Variants in RBFOX1 observed in about 807,000 individuals in gnomAD.
RBFOX1 encodes the protein RNA binding protein fox-1 homolog 1.
In RBFOX1, 8 loss-of-function variants were observed where a neutral mutation model predicts 57.7. The observed-to-expected ratio is 0.14, with a 90% CI of 0.08 to 0.25. The LOEUF (loss-of-function observed/expected upper bound fraction) is 0.25, where lower values mean the gene tolerates loss of function less well. Ranked by LOEUF, RBFOX1 falls within the 10% of genes least tolerant of loss-of-function variation. RBFOX1 has a pLI of 1.00. For missense variants in RBFOX1, 611 were observed against 548.5 expected, an observed-to-expected ratio of 1.11 and a Z score of -1.14; for synonymous variants, 326 against 222.4, an observed-to-expected ratio of 1.47 and a Z score of -4.15.
intron 3 of RBFOX1, among the ~76,000 whole-genome samples, chr16:6,722,839 G>A (rs181073071): frequency 7.2e-5 from 11 of 152,298 alleles, no homozygotes; most frequent in Admixed American, 1.3e-4. Flanking sequence ...ATATTCATCA[G>A]TAAGAAATCC....
At chr16:6,852,607 G>A (rs72768833) in intron 3 of RBFOX1, among the ~76,000 whole-genome samples, 5,089 of 152,288 alleles carry the variant, frequency 0.033, 119 homozygotes, top group Middle Eastern at 0.082. Flanking sequence ...GTCCAGATGA[G>A]ATGCATGCTG....
intron 3 of RBFOX1, among the ~76,000 whole-genome samples, chr16:6,777,281 G>A (rs540962395): frequency 6.6e-6 from 1 of 152,094 alleles, no homozygotes; most frequent in South Asian, 2.1e-4. Flanking sequence ...GTTTTGTAAT[G>A]GAGTAATTGA....
intron 4 of RBFOX1, among the ~76,000 whole-genome samples, chr16:7,089,153 A>C (rs1183756618): frequency 1.3e-5 from 2 of 152,110 alleles, no homozygotes; most frequent in Admixed American, 6.6e-5. Context: ...AGTTTTGCAC[A>C]ATTTAGTACA....
chr16:5,547,747 A>C (rs2151074834), intron 2 of RBFOX1, among the ~76,000 whole-genome samples: 1 of 152,288 alleles, frequency 6.6e-6, no homozygotes, highest in East Asian at 1.9e-4. Flanking sequence ...CCTGTGCAGC[A>C]ATATGGATCC....
At chr16:5,892,250 C>G (rs1341388019) in intron 4 of RBFOX1, among the ~76,000 whole-genome samples, 1 of 152,120 alleles carries the variant, frequency 6.6e-6, no homozygotes, top group East Asian at 1.9e-4. Flanking sequence ...TGAGAAGAGA[C>G]TTGGCGGGGT....
At chr16:6,235,163 C>T (rs778688741) in intron 1 of RBFOX1, among the ~76,000 whole-genome samples, 1 of 152,178 alleles carries the variant, frequency 6.6e-6, no homozygotes, top group Non-Finnish European at 1.5e-5. Context: ...TTCTTGTTGG[C>T]TCTTCTTGCA....
chr16:5,950,475 C>G (rs2059497351), intron 4 of RBFOX1, among the ~76,000 whole-genome samples: 3 of 152,306 alleles, frequency 2.0e-5, no homozygotes, highest in Admixed American at 6.5e-5. Context: ...TTTTCATTAT[C>G]TGGTATTCTG....
chr16:7,130,797 G>A (rs531342686), intron 4 of RBFOX1, among the ~76,000 whole-genome samples: 9 of 152,134 alleles, frequency 5.9e-5, no homozygotes, highest in African/African-American at 2.2e-4. Context: ...TTAAAAAATG[G>A]AGGAAAACTG....
At chr16:6,747,015 A>G (rs1025901078) in intron 3 of RBFOX1, among the ~76,000 whole-genome samples, 1 of 152,178 alleles carries the variant, frequency 6.6e-6, no homozygotes, top group African/African-American at 2.4e-5. Flanking sequence ...ACCACAGATT[A>G]TTGAGGTGTT....
chr16:7,176,934 A>G (rs1409965881), intron 4 of RBFOX1, among the ~76,000 whole-genome samples: 1 of 152,210 alleles, frequency 6.6e-6, no homozygotes, highest in Non-Finnish European at 1.5e-5. Context: ...ATCTCAGAAT[A>G]GAATTTTATA....
intron 3 of RBFOX1, among the ~76,000 whole-genome samples, chr16:6,960,973 C>T (rs963433268): frequency 5.5e-5 from 2 of 36,158 alleles, no homozygotes; most frequent in African/African-American, 1.7e-4. Flanking sequence ...ACTGAAAATA[C>T]AAAAAAAAAA....
intron 3 of RBFOX1, among the ~76,000 whole-genome samples, chr16:5,612,961 A>C (rs1245708405): frequency 6.6e-6 from 1 of 152,190 alleles, no homozygotes; most frequent in Non-Finnish European, 1.5e-5. Context: ...GAAAGGACTC[A>C]ATCCACAGTG....
intron 3 of RBFOX1, among the ~76,000 whole-genome samples, chr16:5,663,780 C>A (rs900715268): frequency 1.3e-5 from 2 of 152,210 alleles, no homozygotes; most frequent in African/African-American, 4.8e-5. Context: ...CACCTCTTGT[C>A]TGTATTTGTC....
chr16:5,520,769 C>A (rs563232449), intron 2 of RBFOX1, among the ~76,000 whole-genome samples: 2 of 152,248 alleles, frequency 1.3e-5, no homozygotes, highest in East Asian at 3.9e-4. Flanking sequence ...GTAATTTTGT[C>A]TGATAGAATG....
intron 4 of RBFOX1, among the ~76,000 whole-genome samples, chr16:6,008,226 A>G (rs115385730): frequency 0.1 from 13,607 of 130,562 alleles, 783 homozygotes; most frequent in East Asian, 0.24. Flanking sequence ...CCCCAAAAAA[A>G]GGTAGTGTGT....
At chr16:5,860,895 C>T (rs1036266101) in intron 3 of RBFOX1, among the ~76,000 whole-genome samples, 1 of 152,154 alleles carries the variant, frequency 6.6e-6, no homozygotes, top group African/African-American at 2.4e-5. Flanking sequence ...CTTATTTGTG[C>T]AGGTGGAGAT....
intron 3 of RBFOX1, among the ~76,000 whole-genome samples, chr16:6,914,757 C>T (rs1000437084): frequency 6.6e-6 from 1 of 152,020 alleles, no homozygotes; most frequent in Non-Finnish European, 1.5e-5. Context: ...ACCTGTAGTC[C>T]CAGCTACTTT....
At chr16:6,954,625 A>G (rs1240020853) in intron 3 of RBFOX1, among the ~76,000 whole-genome samples, 21 of 152,092 alleles carry the variant, frequency 1.4e-4, no homozygotes, top group Admixed American at 1.2e-3. Flanking sequence ...AACTGAGGCA[A>G]AAAGAGGCAT....
At chr16:6,380,280 C>T (rs553398576) in intron 2 of RBFOX1, among the ~76,000 whole-genome samples, 1 of 151,868 alleles carries the variant, frequency 6.6e-6, no homozygotes, top group East Asian at 1.9e-4. Flanking sequence ...TCCAATGGGA[C>T]TGATGTTCTC....
Sources: allele counts gnomAD v4.1 joint callset (sites outside exome capture counted in the v4.1 genomes callset), GRCh38; gene constraint gnomAD v4.1.1; transcripts MANE v1.5; gene names NCBI Gene and HGNC (gene_info 2026-07-23, HGNC 2026-07-21).